Variants in ADGRE2 observed in about 807,000 individuals in gnomAD.
ADGRE2 encodes adhesion G protein-coupled receptor E2, also known as CD97 antigen.
In ADGRE2, 83 loss-of-function variants were observed where a neutral mutation model predicts 100.8. The observed-to-expected ratio is 0.82, with a 90% CI of 0.69 to 0.99. ADGRE2 has a LOEUF of 0.99. Ranked by LOEUF, ADGRE2 falls within the 50% of genes least tolerant of loss-of-function variation. ADGRE2 has a pLI of 0.00. For missense variants in ADGRE2, 814 were observed against 1,035.7 expected (o/e 0.79, Z 2.94); for synonymous variants, 355 against 413.0 (o/e 0.86, Z 1.70).
intron 20 of ADGRE2, among the ~76,000 whole-genome samples, chr19:14,739,389 C>G (rs1361876739): frequency 6.6e-6 from 1 of 152,196 alleles, no homozygotes; most frequent in African/African-American, 2.4e-5. Flanking sequence ...GTAGAAATAT[C>G]TGATCACACA....
the ADGRE2 span, among the ~76,000 whole-genome samples, chr19:14,726,934 T>C: frequency 3.9e-5 from 6 of 152,270 alleles, no homozygotes; most frequent in African/African-American, 1.4e-4. Context: ...CTAAAGCTGC[T>C]TTCACATTTT....
At position 14,772,420 on chromosome 19, in the gene ADGRE2, C is replaced by T. The variant is rs200777322; in HGVS notation, c.277G>A (p.Asp93Asn). 8.1e-6 allele frequency: 13 copies of T among 1,613,942 alleles called. No individual in the cohort carries two copies. The highest frequency in any genetic ancestry group is 3.3e-5 in the Admixed American group (2 of 59,974). Residue 93 changes from aspartate (D) to asparagine (N), a missense_variant, in exon 5 of 21, where the codon GAC becomes AAC. This residue lies in a region of ADGRE2 where 143 missense variants were observed against 160.3 expected (regional missense o/e 0.89). Transcript: ENST00000315576. ...TCATATCCTGGGCTGCACACGCAGT[C>T]GTAGCTCCCCTCTGTGTTCCAGCAG... ...SDCWNTEGSYDCVCSPGYEPV... is the reference protein window; with the variant it reads ...SDCWNTEGSYNCVCSPGYEPV...
At chr19:14,736,447 G>C (rs1449984438) in intron 20 of ADGRE2, among the ~76,000 whole-genome samples, 1 of 151,914 alleles carries the variant, frequency 6.6e-6, no homozygotes, top group Non-Finnish European at 1.5e-5. Context: ...TTTTAGTAGA[G>C]ACAGGGTTTC....
chr19:14,746,373 C>CTATTT, intron 17 of ADGRE2, 50 bp from the exon 18 acceptor site: 1 of 940,994 alleles, frequency 1.1e-6, no homozygotes, highest in African/African-American at 2.5e-5. Flanking sequence ...AACCTGTTAT[C>CTATTT]TCTTTTTTTT....
chr19:14,777,099 C>T, intron 1 of ADGRE2, 172 bp from the exon 2 acceptor site: 2 of 985,446 alleles, frequency 2.0e-6, no homozygotes, highest in African/African-American at 3.5e-5. Flanking sequence ...CTGACCAACC[C>T]TCTGGCCTCT....
At chr19:14,751,265 T>C (rs1599816664) in intron 16 of ADGRE2, among the ~76,000 whole-genome samples, 171 bp downstream of exon 16, 1 of 152,178 alleles carries the variant, frequency 6.6e-6, no homozygotes, top group Non-Finnish European at 1.5e-5. Context: ...TGAAATGTAA[T>C]TGAAATAAAC....
chr19:14,738,467 C>A (rs960979313), intron 20 of ADGRE2, among the ~76,000 whole-genome samples: 1 of 152,086 alleles, frequency 6.6e-6, no homozygotes, highest in African/African-American at 2.4e-5. Flanking sequence ...GATACTTGAC[C>A]TCCTGGGCTC....
chr19:14,767,441 G>A (rs991180506), intron 5 of ADGRE2, among the ~76,000 whole-genome samples: 14 of 151,932 alleles, frequency 9.2e-5, no homozygotes, highest in Non-Finnish European at 8.8e-5. Flanking sequence ...GGGTTTCACC[G>A]TGTTAGCCAG....
In ADGRE2 at chr19:14,766,388, A is replaced by G. The variant is rs183679996; in HGVS notation, c.488-7T>C. 2,823 of 1,612,584 alleles carry G rather than the reference A, an allele frequency of 1.8e-3. 57 individuals carry two copies. In the African/African-American group the frequency reaches 0.033, roughly 19 times the overall value. On this transcript the variant is annotated splice_region_variant and splice_polypyrimidine_tract_variant and intron_variant, in intron 6 of 20. Transcript: ENST00000315576. Reference sequence around the variant, plus strand: ...GAGGTGCATTCATTCACATCTGAGGACAAAGCCAGAGGGTCAAACCCTGTC... The same window carrying G: ...GAGGTGCATTCATTCACATCTGAGGGCAAAGCCAGAGGGTCAAACCCTGTC...
intron 11 of ADGRE2, among the ~76,000 whole-genome samples, chr19:14,763,506 A>G (rs188352955): frequency 6.6e-6 from 1 of 152,006 alleles, no homozygotes; most frequent in East Asian, 1.9e-4. Flanking sequence ...ATAATTATTT[A>G]CTGCTGATAA....
At chr19:14,743,305 A>G in intron 20 of ADGRE2, 115 bp downstream of exon 20, 1 of 802,338 alleles carries the variant, frequency 1.2e-6, no homozygotes, top group Non-Finnish European at 2.2e-6. Context: ...GCGTACTCAG[A>G]TGCGAGCCTT....
intron 13 of ADGRE2, 54 bp downstream of exon 13, chr19:14,755,600 G>T: frequency 6.7e-7 from 1 of 1,498,174 alleles, no homozygotes; most frequent in Non-Finnish European, 9.3e-7. Context: ...TGAGCAGCAA[G>T]GCTATGCCCG....
chr19:14,767,340 G>A (rs893176551), intron 5 of ADGRE2, among the ~76,000 whole-genome samples: 2 of 151,452 alleles, frequency 1.3e-5, no homozygotes, highest in East Asian at 1.9e-4. Context: ...CCGGGTTCAC[G>A]CCATTCTCCT....
intron 11 of ADGRE2, among the ~76,000 whole-genome samples, chr19:14,759,548 GTGCAGTGGCACGATCTCAGCTCACT>G (rs2043635814): frequency 6.8e-6 from 1 of 147,620 alleles, no homozygotes; most frequent in East Asian, 2.0e-4. Context: ...CCAGGCTGGA[GTGCAGTGGCACGATCTCAGCTCACT>G]GCAGCCTCTG....
intron 5 of ADGRE2, among the ~76,000 whole-genome samples, chr19:14,768,466 G>A (rs1370086071): frequency 6.6e-6 from 1 of 152,208 alleles, no homozygotes; most frequent in Admixed American, 6.5e-5. Flanking sequence ...AGATGCTGAT[G>A]GGCAAAGATG....
intron 1 of ADGRE2, 49 bp from the exon 2 acceptor site, chr19:14,776,976 GCACACACACACACACA>G (rs58154734): frequency 2.3e-5 from 24 of 1,024,722 alleles, no homozygotes; most frequent in East Asian, 9.1e-5. Context: ...CAGGGGCGCT[GCACACACACACACACA>G]CACACACACA....
chr19:14,770,669 C>CTTTTTTTTTTTTTTTTTTTTTTTTTTT (rs775214778), intron 5 of ADGRE2, among the ~76,000 whole-genome samples: 22 of 84,998 alleles, frequency 2.6e-4, no homozygotes, highest in African/African-American at 3.2e-4. Context: ...TCTTTCTTTT[C>CTTTTTTTTTTTTTTTTTTTTTTTTTTT]TTTTTTTTTT....
At chr19:14,746,375 C>CTAT in intron 17 of ADGRE2, 52 bp from the exon 18 acceptor site, 1 of 777,286 alleles carries the variant, frequency 1.3e-6, no homozygotes, top group Non-Finnish European at 2.1e-6. Flanking sequence ...CCTGTTATCT[C>CTAT]TTTTTTTTTT....
chr19:14,774,577 T>G (rs1252015607), intron 2 of ADGRE2, among the ~76,000 whole-genome samples: 9 of 150,640 alleles, frequency 6.0e-5, no homozygotes, highest in African/African-American at 2.2e-4. Context: ...GATGCGATTA[T>G]AGCTCACTGC....
Sources: allele counts gnomAD v4.1 joint callset (sites outside exome capture counted in the v4.1 genomes callset), GRCh38; gene constraint gnomAD v4.1.1; regional missense constraint gnomAD v4.1.1; transcripts MANE v1.5; gene names NCBI Gene and HGNC (gene_info 2026-07-23, HGNC 2026-07-21).